The following DSE variants were observed in gnomAD, a reference collection of about 807,000 sequenced individuals.
The protein encoded by DSE is dermatan-sulfate epimerase.
In DSE, 36 loss-of-function variants were observed where a neutral mutation model predicts 84.4. The observed-to-expected ratio is 0.43, with a 90% CI of 0.33 to 0.56. The LOEUF (loss-of-function observed/expected upper bound fraction) is 0.56. Ranked by LOEUF, DSE falls within the 20% of genes least tolerant of loss-of-function variation. The probability of loss-of-function intolerance (pLI) is 0.06; values close to 1 mark genes in which losing one functional copy is unlikely to be tolerated. For missense variants in DSE, 862 were observed against 1,169.6 expected (o/e 0.74, Z 3.84); for synonymous variants, 410 against 430.1 (o/e 0.95, Z 0.58).
intron 1 of DSE, chr6:116,254,325 G>C (rs1391453851): frequency 1.7e-6 from 1 of 584,812 alleles, no homozygotes; most frequent in South Asian, 1.5e-5. Context: ...GGATTTCTAA[G>C]CCTCTGAATG....
intron 1 of DSE, among the ~76,000 whole-genome samples, chr6:116,376,236 G>A (rs371149673): frequency 6.6e-6 from 1 of 152,102 alleles, no homozygotes; most frequent in Admixed American, 6.6e-5. Flanking sequence ...GGATTCCATT[G>A]TGGGGCCACT....
chr6:116,313,645 GT>G (rs1775815711), intron 2 of DSE, among the ~76,000 whole-genome samples: 2 of 152,156 alleles, frequency 1.3e-5, no homozygotes, highest in South Asian at 4.1e-4. Flanking sequence ...TAGATCTTTT[GT>G]TTTCATTTTT....
At position 116,258,610 on chromosome 6, in the gene DSE, A is replaced by G. The variant is rs563633000; in HGVS notation, c.-411A>G. On this transcript the variant is annotated 5_prime_UTR_variant, in exon 2 of 4. Coordinates refer to the DSE transcript ENST00000430252. ...GAGCTCCTCTGCCAGGCACTCAGCAATGGTCTTAATGTTCCGGAAGGCAGC... is the reference window on the plus strand; with the variant it reads ...GAGCTCCTCTGCCAGGCACTCAGCAGTGGTCTTAATGTTCCGGAAGGCAGC... 23 of 1,612,180 alleles carry G rather than the reference A, an allele frequency of 1.4e-5. No homozygotes were observed. In the South Asian group the frequency reaches 2.1e-4, roughly 15 times the overall value.
intron 3 of DSE, among the ~76,000 whole-genome samples, chr6:116,429,389 A>G (rs903987539): frequency 6.6e-6 from 1 of 152,214 alleles, no homozygotes; most frequent in African/African-American, 2.4e-5. Context: ...AGCGTGGTCA[A>G]CATGTTTGTG....
intron 4 of DSE, chr6:116,433,069 G>T: frequency 2.3e-6 from 1 of 429,476 alleles, no homozygotes; most frequent in South Asian, 2.5e-5. Flanking sequence ...ATTGGAAAAT[G>T]AGGAAGGCAG....
chr6:116,287,624 T>C (rs924585193), intron 2 of DSE, among the ~76,000 whole-genome samples: 11 of 152,126 alleles, frequency 7.2e-5, no homozygotes, highest in Non-Finnish European at 1.6e-4. Context: ...AATGTTAAAT[T>C]CGAGGCTCAG....
chr6:116,361,978 A>G (rs1234597945), intron 2 of DSE, among the ~76,000 whole-genome samples: 2 of 152,222 alleles, frequency 1.3e-5, no homozygotes, highest in Admixed American at 6.5e-5. Context: ...TATTATATAC[A>G]TATTTTGTAT....
intron 2 of DSE, chr6:116,279,359 C>G: frequency 6.2e-7 from 1 of 1,612,022 alleles, no homozygotes; most frequent in Non-Finnish European, 8.5e-7. Context: ...GCGCACTTTC[C>G]TGTCTTCACC....
intron 3 of DSE, among the ~76,000 whole-genome samples, chr6:116,428,299 A>T (rs1339384832): frequency 6.6e-6 from 1 of 152,228 alleles, no homozygotes; most frequent in Non-Finnish European, 1.5e-5. Flanking sequence ...CTGTGAAAAG[A>T]CACCATCATG....
intron 1 of DSE, among the ~76,000 whole-genome samples, chr6:116,394,903 G>A (rs1250566328): frequency 6.6e-6 from 1 of 152,204 alleles, no homozygotes; most frequent in African/African-American, 2.4e-5. Context: ...GCTGAGAGTC[G>A]CTGGTAATTT....
chr6:116,287,673 T>G (rs565895123), intron 2 of DSE, among the ~76,000 whole-genome samples: 1 of 152,180 alleles, frequency 6.6e-6, no homozygotes, highest in Admixed American at 6.5e-5. Flanking sequence ...AAGGAGAGCA[T>G]TTTTTGTTGA....
intron 2 of DSE, among the ~76,000 whole-genome samples, chr6:116,272,265 C>A (rs1303342232): frequency 6.6e-6 from 1 of 152,128 alleles, no homozygotes; most frequent in Non-Finnish European, 1.5e-5. Context: ...ACTGCTATGA[C>A]CATTCCTGTG....
At chr6:116,305,709 C>T (rs1359799779) in intron 2 of DSE, among the ~76,000 whole-genome samples, 2 of 152,156 alleles carry the variant, frequency 1.3e-5, no homozygotes, top group African/African-American at 4.8e-5. Flanking sequence ...GTAATCTTGG[C>T]TCACTGAAAT....
intron 2 of DSE, among the ~76,000 whole-genome samples, chr6:116,342,315 T>C (rs1490931215): frequency 6.8e-6 from 1 of 147,610 alleles, no homozygotes; most frequent in South Asian, 2.2e-4. Flanking sequence ...AGTCTTGCTC[T>C]CTTGCCCAGA....
chr6:116,389,776 A>G (rs1014463409), intron 1 of DSE, among the ~76,000 whole-genome samples: 12 of 152,212 alleles, frequency 7.9e-5, no homozygotes, highest in African/African-American at 2.9e-4. Context: ...TGAGAGAGCC[A>G]TAGCTTGTCC....
At chr6:116,410,319 C>T (rs1330455835) in intron 2 of DSE, among the ~76,000 whole-genome samples, 1 of 152,200 alleles carries the variant, frequency 6.6e-6, no homozygotes, top group African/African-American at 2.4e-5. Flanking sequence ...AAAGACTACC[C>T]TGATGCCCCA....
intron 2 of DSE, among the ~76,000 whole-genome samples, chr6:116,269,924 G>A (rs1772811205): frequency 6.6e-6 from 1 of 152,050 alleles, no homozygotes; most frequent in Non-Finnish European, 1.5e-5. Context: ...CTGGAACACA[G>A]CCACTCTCTG....
upstream of DSE, chr6:116,369,908 T>G (rs1309755702): frequency 7.8e-7 from 1 of 1,289,258 alleles, no homozygotes; most frequent in Admixed American, 2.3e-5. Flanking sequence ...CAGTAAAATA[T>G]CTCTCATTCT....
rs917066878 is a variant in DSE, at chr6:116,308,181, T to A, written c.-54+49214T>A. Among the ~76,000 whole-genome samples, 3 of 152,352 alleles carry A rather than the reference T, an allele frequency of 2.0e-5. No individual in the cohort carries two copies. In the East Asian group the frequency reaches 5.8e-4, roughly 29 times the overall value. On this transcript the variant is annotated intron_variant, in intron 2 of 3. Transcript: ENST00000430252. ...TTCTCCTGTTGACTATTAGACAACC[T>A]GGTTGCTTCCACTTACTATTTATTC...
Sources: allele counts gnomAD v4.1 joint callset (sites outside exome capture counted in the v4.1 genomes callset), GRCh38; gene constraint gnomAD v4.1.1; transcripts MANE v1.5; gene names NCBI Gene and HGNC (gene_info 2026-07-23, HGNC 2026-07-21).